KCNMA1: variants seen among roughly 807,000 people sequenced by gnomAD.
The protein encoded by KCNMA1 is potassium calcium-activated channel subfamily M alpha 1.
KCNMA1 carries 29 observed loss-of-function variants against 140.0 expected under a neutral mutation model. The observed-to-expected ratio is 0.21, with a 90% CI of 0.15 to 0.28. The LOEUF (loss-of-function observed/expected upper bound fraction) is 0.28, where lower values mean the gene tolerates loss of function less well. Among genes scored for constraint, KCNMA1 ranks in the 10% least tolerant of loss-of-function variants. The pLI is 1.00. For synonymous variants in KCNMA1, 612 were observed against 611.9 expected (o/e 1.00, Z 0.00); for missense variants, 880 against 1,602.2 (o/e 0.55, Z 7.70).
intron 1 of KCNMA1, among the ~76,000 whole-genome samples, chr10:77,630,146 C>A (rs2154570948): frequency 6.6e-6 from 1 of 152,316 alleles, no homozygotes; most frequent in Non-Finnish European, 1.5e-5. Context: ...GAAGGCCCAC[C>A]CAGGCCCCTA....
intron 2 of KCNMA1, among the ~76,000 whole-genome samples, chr10:77,297,765 T>C (rs1421387403): frequency 6.6e-6 from 1 of 152,148 alleles, no homozygotes; most frequent in African/African-American, 2.4e-5. Flanking sequence ...CTATGTTTGC[T>C]CTCCCATTCC....
intron 3 of KCNMA1, among the ~76,000 whole-genome samples, chr10:77,246,297 G>C (rs1214786299): frequency 6.6e-6 from 1 of 152,218 alleles, no homozygotes; most frequent in Non-Finnish European, 1.5e-5. Context: ...CTCCTCATCT[G>C]TAAGTGGGAA....
intron 25 of KCNMA1, among the ~76,000 whole-genome samples, chr10:76,907,869 G>A (rs557872106): frequency 3.9e-5 from 6 of 152,126 alleles, no homozygotes; most frequent in Non-Finnish European, 8.8e-5. Context: ...ATACTCTGCT[G>A]TCACCATTTT....
intron 15 of KCNMA1, among the ~76,000 whole-genome samples, chr10:77,028,709 C>G (rs2093684981): frequency 6.6e-6 from 1 of 152,120 alleles, no homozygotes; most frequent in Admixed American, 6.6e-5. Context: ...CCTATTGTTT[C>G]ATGTGTCTGA....
intron 2 of KCNMA1, among the ~76,000 whole-genome samples, chr10:77,348,135 C>T (rs2092424479): frequency 6.6e-6 from 1 of 152,176 alleles, no homozygotes; most frequent in African/African-American, 2.4e-5. Flanking sequence ...GGCAAGCTAA[C>T]CCCTTTACTA....
At chr10:77,295,588 T>C in intron 2 of KCNMA1, among the ~76,000 whole-genome samples, 1 of 150,934 alleles carries the variant, frequency 6.6e-6, no homozygotes, top group South Asian at 2.1e-4. Flanking sequence ...GAGACCATTC[T>C]GGCTAACAAG....
chr10:77,147,883 A>G (rs972297191), intron 5 of KCNMA1: 1 of 152,186 alleles, frequency 6.6e-6, no homozygotes, highest in African/African-American at 2.4e-5. Context: ...TTACATGGTT[A>G]AAATAAAAGC....
At chr10:77,575,665 G>A (rs1017787472) in intron 1 of KCNMA1, among the ~76,000 whole-genome samples, 11 of 152,256 alleles carry the variant, frequency 7.2e-5, no homozygotes, top group Non-Finnish European at 1.5e-5. Context: ...CGCAATATTG[G>A]CTGCACATTA....
At chr10:77,205,702 T>C (rs2043861676) in intron 3 of KCNMA1, among the ~76,000 whole-genome samples, 1 of 152,246 alleles carries the variant, frequency 6.6e-6, no homozygotes, top group Non-Finnish European at 1.5e-5. Context: ...TTTAAATCAC[T>C]TAACATTAAC....
chr10:77,355,381 A>G (rs1339622529), intron 2 of KCNMA1, among the ~76,000 whole-genome samples: 2 of 152,194 alleles, frequency 1.3e-5, no homozygotes, highest in Middle Eastern at 3.2e-3. Context: ...AGGGAAATCA[A>G]CTTTATCAAT....
intron 2 of KCNMA1, among the ~76,000 whole-genome samples, chr10:77,379,695 G>A (rs2095312207): frequency 6.6e-6 from 1 of 152,088 alleles, no homozygotes; most frequent in Non-Finnish European, 1.5e-5. Flanking sequence ...ACAGATTTAT[G>A]ACTACAGGAG....
At chr10:77,607,920 A>G (rs2085138814) in intron 1 of KCNMA1, among the ~76,000 whole-genome samples, 1 of 152,134 alleles carries the variant, frequency 6.6e-6, no homozygotes, top group Admixed American at 6.5e-5. Context: ...ACTGCTAGCC[A>G]TTAGGGGTTA....
At chr10:77,329,937 A>G (rs602219) in intron 2 of KCNMA1, among the ~76,000 whole-genome samples, 128,520 of 152,236 alleles carry the variant, frequency 0.84, 54,479 homozygotes, top group African/African-American at 0.91. Flanking sequence ...GAATAGCTTA[A>G]AAAGTGCTTG....
intron 21 of KCNMA1, among the ~76,000 whole-genome samples, chr10:76,951,844 C>A (rs1015807162): frequency 6.6e-6 from 1 of 151,950 alleles, no homozygotes; most frequent in Non-Finnish European, 1.5e-5. Context: ...TCCCCCAGCC[C>A]CACCCTGCTA....
intron 3 of KCNMA1, among the ~76,000 whole-genome samples, chr10:77,233,170 A>C (rs1359046077): frequency 6.6e-6 from 1 of 152,226 alleles, no homozygotes; most frequent in Admixed American, 6.5e-5. Flanking sequence ...TATTCTCAAA[A>C]ATTAGTTGAC....
At chr10:77,054,534 G>A (rs1287146368) in intron 14 of KCNMA1, among the ~76,000 whole-genome samples, 2 of 151,880 alleles carry the variant, frequency 1.3e-5, no homozygotes, top group Non-Finnish European at 2.9e-5. Flanking sequence ...TACAGGGTAT[G>A]GAAAAAAGAG....
At chr10:76,953,388 C>T (rs1434395458) in intron 21 of KCNMA1, among the ~76,000 whole-genome samples, 1 of 152,160 alleles carries the variant, frequency 6.6e-6, no homozygotes, top group African/African-American at 2.4e-5. Flanking sequence ...CACTACAGCC[C>T]TATGAGTTAG....
intron 14 of KCNMA1, among the ~76,000 whole-genome samples, chr10:77,061,741 T>C (rs944919024): frequency 8.5e-5 from 13 of 152,210 alleles, no homozygotes; most frequent in African/African-American, 3.1e-4. Context: ...TCGCCCCAAC[T>C]GGAGGAAAAC....
At chr10:77,326,051 C>T (rs149849463) in intron 2 of KCNMA1, among the ~76,000 whole-genome samples, 17 of 152,322 alleles carry the variant, frequency 1.1e-4, no homozygotes, top group Non-Finnish European at 1.3e-4. Flanking sequence ...TACCTCTGCA[C>T]ACCCTGTGCC....
Sources: gnomAD v4.1 joint callset for allele counts (sites outside exome capture counted in the v4.1 genomes callset) on GRCh38, gnomAD v4.1.1 for gene constraint, MANE v1.5 for transcripts, NCBI Gene and HGNC (gene_info 2026-07-23, HGNC 2026-07-21) for gene names.